GPR149: variants seen among roughly 807,000 people sequenced by gnomAD.
GPR149 encodes the protein G protein-coupled receptor 149, also known as probable G protein-coupled receptor 149.
GPR149 carries 50 observed loss-of-function variants against 50.2 expected under a neutral mutation model. That is an observed-to-expected ratio of 1.00 (90% CI 0.79 to 1.26). The LOEUF (loss-of-function observed/expected upper bound fraction) is 1.26, where lower values mean the gene tolerates loss of function less well. Ranked by LOEUF, GPR149 falls within the 50% of genes most tolerant of loss-of-function variation. The pLI, the probability that GPR149 is intolerant of heterozygous loss-of-function variation, is 0.00. For synonymous variants in GPR149, 405 were observed against 358.2 expected (o/e 1.13, Z -1.48); for missense variants, 983 against 895.4 (o/e 1.10, Z -1.25).
At chr3:154,391,750 T>A (rs1053849318) in intron 3 of GPR149, among the ~76,000 whole-genome samples, 1 of 151,740 alleles carries the variant, frequency 6.6e-6, no homozygotes, top group Non-Finnish European at 1.5e-5. Flanking sequence ...TTACATAACT[T>A]ATTATTATTA....
chr3:154,384,211 C>T (rs1217201853), intron 3 of GPR149, among the ~76,000 whole-genome samples: 1 of 152,080 alleles, frequency 6.6e-6, no homozygotes, highest in Non-Finnish European at 1.5e-5. Flanking sequence ...TTACATAAAG[C>T]CTCGGGTGAG....
At chr3:154,408,235 A>C (rs537566401) in intron 3 of GPR149, among the ~76,000 whole-genome samples, 4 of 152,244 alleles carry the variant, frequency 2.6e-5, no homozygotes, top group African/African-American at 9.6e-5. Flanking sequence ...GCTCCCACTC[A>C]GATGGACAGA....
chr3:154,355,384 C>T (rs764554723), intron 3 of GPR149, among the ~76,000 whole-genome samples: 17 of 152,086 alleles, frequency 1.1e-4, no homozygotes, highest in Admixed American at 2.0e-4. Flanking sequence ...ACTTTTTAGC[C>T]CTGTGTGAAT....
intron 3 of GPR149, among the ~76,000 whole-genome samples, chr3:154,418,943 G>T (rs184200979): frequency 0.012 from 1,782 of 152,056 alleles, 13 homozygotes; most frequent in Non-Finnish European, 0.019. Context: ...CTAAGGGAAG[G>T]TTATACAAAA....
chr3:154,412,829 G>C lies in GPR149; in HGVS notation c.1623+8210C>G, dbSNP rs893783843. Reference sequence around the variant, plus strand: ...CTAAAATTCTTGTATAACCAAAAAAGAGCCCACATAGCCAAAGCAAGACTA... The same window carrying C: ...CTAAAATTCTTGTATAACCAAAAAACAGCCCACATAGCCAAAGCAAGACTA... On this transcript the variant is annotated intron_variant, in intron 3 of 3. Coordinates refer to ENST00000389740, the MANE Select transcript of GPR149 (RefSeq NM_001038705.3). 2.0e-5 allele frequency among the ~76,000 whole-genome samples: 3 copies of C among 151,940 alleles called. No homozygotes were observed. In the South Asian group the frequency reaches 6.2e-4, roughly 32 times the overall value.
intron 3 of GPR149, among the ~76,000 whole-genome samples, chr3:154,377,370 A>G (rs1432986692): frequency 6.8e-6 from 1 of 147,962 alleles, no homozygotes; most frequent in South Asian, 2.1e-4. Flanking sequence ...TATTATTATT[A>G]TTATTATTAT....
Position 154,364,240 on chromosome 3 carries a change from ACTT to A in GPR149, c.1624-25972_1624-25970del, listed in dbSNP as rs1195331218. Among the ~76,000 whole-genome samples the A allele has an allele frequency of 3.3e-5, 5 of 152,290 alleles. No individual in the cohort carries two copies. The East Asian group carries it at 9.7e-4, about 29-fold the overall frequency. On this transcript the variant is annotated intron_variant, in intron 3 of 3. Transcript: ENST00000389740. ...GGTCTAATCACCTTTCAAAAGTCAT[ACTT>A]CTTAATACTACTGCATTGGGCATTA... is the stretch of plus-strand genomic sequence containing the variant.
chr3:154,373,182 A>C (rs1009246764), intron 3 of GPR149, among the ~76,000 whole-genome samples: 18 of 152,168 alleles, frequency 1.2e-4, no homozygotes, highest in Non-Finnish European at 2.5e-4. Context: ...GAGGCTGAGA[A>C]AAAGTGGGCC....
chr3:154,429,037 G>A lies in GPR149; in HGVS notation c.579C>T (p.Phe193=). The change falls in exon 1 of 4, where the codon TTC becomes TTT. Residue 193 remains phenylalanine, a synonymous_variant. Coordinates refer to ENST00000389740, the MANE Select transcript of GPR149 (RefSeq NM_001038705.3). ...AGGCCAAAGCGTACACGATAGAGAG[G>A]AATAGTACGTAGGAGCTGGAGCAGT... ...LVDCSSSYVL[F]LSIVYALAFG... is the part of the protein sequence containing the mutation. The A allele has an allele frequency of 6.2e-7, 1 of 1,614,016 alleles. No homozygotes were observed. The highest frequency in any genetic ancestry group is 1.1e-5 in the South Asian group (1 of 91,084).
intron 3 of GPR149, among the ~76,000 whole-genome samples, chr3:154,360,091 G>T (rs1287119599): frequency 6.6e-6 from 1 of 152,118 alleles, no homozygotes. Flanking sequence ...CCAGAAAGAA[G>T]ACGATTTGAA....
intron 3 of GPR149, among the ~76,000 whole-genome samples, chr3:154,375,345 A>C (rs929120448): frequency 1.3e-5 from 2 of 152,132 alleles, no homozygotes; most frequent in African/African-American, 2.4e-5. Context: ...TCCTCTATTG[A>C]ACTCTATTCA....
chr3:154,406,737 A>G (rs531383874), intron 3 of GPR149, among the ~76,000 whole-genome samples: 38 of 152,322 alleles, frequency 2.5e-4, no homozygotes, highest in African/African-American at 8.7e-4. Flanking sequence ...ACCATAAACT[A>G]TATGAGTGGT....
intron 3 of GPR149, among the ~76,000 whole-genome samples, chr3:154,348,732 T>C (rs813141): frequency 0.91 from 137,872 of 152,162 alleles, 62,699 homozygotes; most frequent in East Asian, 1. Flanking sequence ...TAGAAGAGCA[T>C]CATTAATCAA....
intron 3 of GPR149, among the ~76,000 whole-genome samples, chr3:154,403,232 A>G (rs1476455273): frequency 2.0e-5 from 3 of 152,188 alleles, no homozygotes; most frequent in Non-Finnish European, 2.9e-5. Flanking sequence ...GCAGCATCTG[A>G]AAGCATTTTT....
chr3:154,391,814 G>A (rs1225612464), intron 3 of GPR149, among the ~76,000 whole-genome samples: 1 of 151,708 alleles, frequency 6.6e-6, no homozygotes, highest in East Asian at 1.9e-4. Context: ...TAGGCCAAAA[G>A]TGTAGGGATG....
At chr3:154,389,931 T>C (rs966264397) in intron 3 of GPR149, among the ~76,000 whole-genome samples, 2 of 152,184 alleles carry the variant, frequency 1.3e-5, no homozygotes, top group East Asian at 3.9e-4. Flanking sequence ...AAGAAAAGAA[T>C]TGGACCATAC....
At chr3:154,425,684 A>G (rs1398354235) in intron 2 of GPR149, among the ~76,000 whole-genome samples, 1 of 152,164 alleles carries the variant, frequency 6.6e-6, no homozygotes, top group Non-Finnish European at 1.5e-5. Flanking sequence ...GGAATTTTAA[A>G]ATAAACACAA....
chr3:154,371,989 C>A (rs1018771304), intron 3 of GPR149, among the ~76,000 whole-genome samples: 1 of 152,134 alleles, frequency 6.6e-6, no homozygotes, highest in African/African-American at 2.4e-5. Flanking sequence ...ACCCCTGGAT[C>A]GACATACTGG....
intron 3 of GPR149, among the ~76,000 whole-genome samples, chr3:154,395,972 C>T (rs899407661): frequency 2.0e-5 from 3 of 152,230 alleles, no homozygotes; most frequent in East Asian, 3.9e-4. Flanking sequence ...TATAAATATG[C>T]TAATGTGTGT....
Sources: gnomAD v4.1 joint callset for allele counts (sites outside exome capture counted in the v4.1 genomes callset) on GRCh38, gnomAD v4.1.1 for gene constraint, MANE v1.5 for transcripts, NCBI Gene and HGNC (gene_info 2026-07-23, HGNC 2026-07-21) for gene names.